The following DZANK1 variants were observed in gnomAD, a reference collection of about 807,000 sequenced individuals.
DZANK1 encodes double zinc ribbon and ankyrin repeat domains 1, also known as double zinc ribbon and ankyrin repeat-containing protein 1.
Under a neutral mutation model 94.5 loss-of-function variants are expected in DZANK1, and 91 were observed. The observed-to-expected ratio is 0.96, with a 90% CI of 0.81 to 1.15. DZANK1 has a LOEUF of 1.15. Ranked by LOEUF, DZANK1 falls within the 50% of genes most tolerant of loss-of-function variation. The pLI is 0.00. For missense variants in DZANK1, 903 were observed against 916.4 expected (o/e 0.99, Z 0.19); for synonymous variants, 312 against 325.3 (o/e 0.96, Z 0.44).
At chr20:18,393,851 C>T (rs1452470269) in intron 16 of DZANK1, 40 bp from the exon 17 acceptor site, 1 of 1,283,462 alleles carries the variant, frequency 7.8e-7, no homozygotes, top group Admixed American at 1.8e-5. Flanking sequence ...ATGCCCCTCC[C>T]CCAACTCCCC....
At position 18,385,439 on chromosome 20, in the gene DZANK1, G is replaced by A. The variant is rs185689643; in HGVS notation, c.2019-349C>T. Among the ~76,000 whole-genome samples the A allele has an allele frequency of 3.3e-5, 5 of 151,044 alleles. No homozygotes were observed. The East Asian group carries it at 5.8e-4, about 18-fold the overall frequency. ...GACATAGTCTTTTTTTTTTTGAGAC[G>A]GAGTCTTGCTCTGTCACCCATGGTG... On this transcript the variant is annotated intron_variant, in intron 19 of 20. Coordinates refer to ENST00000262547, the Ensembl canonical transcript of DZANK1.
intron 1 of DZANK1, chr20:18,465,584 C>T (rs575192702): frequency 4.3e-6 from 1 of 232,074 alleles, no homozygotes; most frequent in African/African-American, 2.3e-5. Context: ...CTAAATACCT[C>T]ACTTCTGCGA....
intron 3 of DZANK1, among the ~76,000 whole-genome samples, chr20:18,456,707 T>G (rs776460029): frequency 3.9e-4 from 15 of 38,780 alleles, no homozygotes; most frequent in Non-Finnish European, 6.4e-4. Context: ...TATTTATTTG[T>G]TTTTTTTTGG....
At chr20:18,459,288 T>C (rs1373941810) in intron 3 of DZANK1, among the ~76,000 whole-genome samples, 5 of 152,204 alleles carry the variant, frequency 3.3e-5, no homozygotes, top group Non-Finnish European at 7.3e-5. Flanking sequence ...ACAATAATAA[T>C]GTGCATAAAG....
exon 14 of DZANK1, chr20:18,398,622 G>A: frequency 6.2e-7 from 1 of 1,613,860 alleles, no homozygotes; most frequent in Non-Finnish European, 8.5e-7. Flanking sequence ...GTCTTCTCCA[G>A]TACCCTAAGA....
At chr20:18,393,744 G>C in exon 17 of DZANK1, 2 of 1,612,396 alleles carry the variant, frequency 1.2e-6, no homozygotes, top group Non-Finnish European at 1.7e-6. Context: ...GAAAAGTTTT[G>C]GTCTTGAAAT....
intron 13 of DZANK1, among the ~76,000 whole-genome samples, chr20:18,409,812 G>A (rs2057151229): frequency 6.6e-6 from 1 of 152,276 alleles, no homozygotes; most frequent in African/African-American, 2.4e-5. Context: ...GCTCACGCCT[G>A]TAATCCTAGC....
At chr20:18,449,293 T>C (rs1213613909) in intron 6 of DZANK1, among the ~76,000 whole-genome samples, 1 of 151,970 alleles carries the variant, frequency 6.6e-6, no homozygotes, top group Admixed American at 6.6e-5. Context: ...GGGTGAAGGG[T>C]ACCCTAGAAG....
At chr20:18,388,626 C>G (rs961109278) in intron 19 of DZANK1, among the ~76,000 whole-genome samples, 1 of 152,080 alleles carries the variant, frequency 6.6e-6, no homozygotes, top group African/African-American at 2.4e-5. Flanking sequence ...GACAATAATA[C>G]AACAGTGTGG....
chr20:18,448,449 T>C (rs146891075), intron 7 of DZANK1, among the ~76,000 whole-genome samples: 71 of 152,346 alleles, frequency 4.7e-4, no homozygotes, highest in Non-Finnish European at 9.0e-4. Flanking sequence ...ATGAACTTAC[T>C]CATTTTCTTG....
intron 4 of DZANK1, chr20:18,454,725 T>G (rs2059222835): frequency 6.4e-6 from 1 of 155,114 alleles, no homozygotes; most frequent in Non-Finnish European, 1.4e-5. Flanking sequence ...CTCTCCTGCC[T>G]GCTCCTGTGC....
chr20:18,390,400 C>A, exon 18 of DZANK1: 2 of 1,613,992 alleles, frequency 1.2e-6, no homozygotes, highest in African/African-American at 1.3e-5. Context: ...GCTGTTCAAT[C>A]ACAGAGACTC....
chr20:18,398,489 G>A, intron 14 of DZANK1, 34 bp downstream of exon 14: 1 of 1,598,956 alleles, frequency 6.3e-7, no homozygotes, highest in Middle Eastern at 1.7e-4. Context: ...TGATCCCGTG[G>A]ACACTTGTGG....
intron 13 of DZANK1, 74 bp from the exon 14 acceptor site, chr20:18,398,700 A>G: frequency 2.1e-6 from 3 of 1,406,580 alleles, no homozygotes; most frequent in Admixed American, 1.7e-5. Flanking sequence ...AGCATGGAAC[A>G]TATGTTCTTA....
At chr20:18,416,645 C>T (rs1600870388) in intron 10 of DZANK1, among the ~76,000 whole-genome samples, 1 of 152,232 alleles carries the variant, frequency 6.6e-6, no homozygotes, top group African/African-American at 2.4e-5. Flanking sequence ...AGCTCTATCC[C>T]GTTTTGCTTC....
chr20:18,461,454 T>C (rs2059469143), intron 2 of DZANK1, among the ~76,000 whole-genome samples: 1 of 152,150 alleles, frequency 6.6e-6, no homozygotes, highest in Non-Finnish European at 1.5e-5. Flanking sequence ...CTTTAGGCTG[T>C]CTTCTTTTTT....
intron 7 of DZANK1, among the ~76,000 whole-genome samples, chr20:18,443,852 T>A (rs2058791507): frequency 6.6e-6 from 1 of 152,198 alleles, no homozygotes; most frequent in African/African-American, 2.4e-5. Context: ...TCTGACTTTC[T>A]ACCATTGAGC....
intron 13 of DZANK1, among the ~76,000 whole-genome samples, chr20:18,400,476 G>A (rs746275314): frequency 6.6e-6 from 1 of 152,182 alleles, no homozygotes; most frequent in Non-Finnish European, 1.5e-5. Context: ...ACCTGTGTAC[G>A]GATAGGCAGC....
At position 18,428,008 on chromosome 20, in the gene DZANK1, G is replaced by A. The variant is rs375883489; in HGVS notation, c.862-849C>T. On this transcript the variant is annotated intron_variant, in intron 9 of 20. Transcript: ENST00000262547. ...TACTAAAAATACAAAAAAATTAGCC[G>A]AGTGTGGTGGTGGGCGCCTGTAGTC... 2.0e-3 allele frequency among the ~76,000 whole-genome samples: 307 copies of A among 151,690 alleles called. 1 individual carries two copies. The highest frequency in any genetic ancestry group is 6.7e-3 in the African/African-American group (278 of 41,440).
Sources: allele counts gnomAD v4.1 joint callset (sites outside exome capture counted in the v4.1 genomes callset), GRCh38; gene constraint gnomAD v4.1.1; transcripts MANE v1.5; gene names NCBI Gene and HGNC (gene_info 2026-07-23, HGNC 2026-07-21).